The following AFAP1 variants were observed in gnomAD, a reference collection of about 807,000 sequenced individuals.
AFAP1 encodes the protein actin filament associated protein 1, also known as actin filament-associated protein 1.
In AFAP1, 75 loss-of-function variants were observed where a neutral mutation model predicts 93.9. That is an observed-to-expected ratio of 0.80 (90% CI 0.66 to 0.97). The LOEUF (loss-of-function observed/expected upper bound fraction) is 0.97. Ranked by LOEUF, AFAP1 falls within the 50% of genes least tolerant of loss-of-function variation. AFAP1 has a pLI of 0.00. For missense variants in AFAP1, 1,201 were observed against 1,050.8 expected, an observed-to-expected ratio of 1.14 and a Z score of -1.98; for synonymous variants, 517 against 430.7, an observed-to-expected ratio of 1.20 and a Z score of -2.48.
chr4:7,911,477 G>A (rs1333669601), intron 1 of AFAP1, among the ~76,000 whole-genome samples: 2 of 152,214 alleles, frequency 1.3e-5, no homozygotes, highest in Admixed American at 6.5e-5. Flanking sequence ...TTCCAGAGCC[G>A]CTATTCACAC....
intron 6 of AFAP1, among the ~76,000 whole-genome samples, chr4:7,829,211 T>A (rs952085363): frequency 6.6e-6 from 1 of 152,226 alleles, no homozygotes; most frequent in Admixed American, 6.5e-5. Context: ...AGGTATTTCT[T>A]CATAGCGGCA....
At position 7,793,731 on chromosome 4, in the gene AFAP1, A is replaced by T; in HGVS notation, c.1362T>A (p.Ile454=). The T allele has an allele frequency of 1.3e-6, 2 of 1,579,370 alleles. No homozygotes were observed. The highest frequency in any genetic ancestry group is 2.3e-5 in the East Asian group (1 of 44,182). ...TGACACTTGCAGACATCTCCACATC[A>T]ATGTAGTCATAGTGCAGAGCCTCCG... ...TDPEALHYDY[I]DVEMSASVIQ... The change falls in exon 11 of 18, where the codon ATT becomes ATA. Residue 454 remains isoleucine (I), a synonymous_variant. Transcript: ENST00000420658.
intron 3 of AFAP1, among the ~76,000 whole-genome samples, chr4:7,866,128 C>G (rs1716371244): frequency 6.6e-6 from 1 of 152,120 alleles, no homozygotes. Context: ...AACTCCTGAC[C>G]TCAGGTGATC....
At chr4:7,930,814 A>G (rs144007973) in intron 1 of AFAP1, among the ~76,000 whole-genome samples, 3,763 of 152,208 alleles carry the variant, frequency 0.025, 147 homozygotes, top group African/African-American at 0.084. Flanking sequence ...GCAGTGGTGC[A>G]ATCTCAGCTC....
chr4:7,927,607 T>C (rs1720839775), intron 1 of AFAP1, among the ~76,000 whole-genome samples: 1 of 152,198 alleles, frequency 6.6e-6, no homozygotes, highest in Non-Finnish European at 1.5e-5. Flanking sequence ...GGAGGATCAC[T>C]TGAGCCCAGG....
intron 7 of AFAP1, 127 bp from the exon 8 acceptor site, chr4:7,816,226 G>A: frequency 1.3e-6 from 1 of 752,216 alleles, no homozygotes; most frequent in Non-Finnish European, 2.2e-6. Flanking sequence ...CAATCCAGAA[G>A]TGGTTAGAGC....
At chr4:7,870,444 G>A (rs1716921309) in intron 2 of AFAP1, among the ~76,000 whole-genome samples, 1 of 152,146 alleles carries the variant, frequency 6.6e-6, no homozygotes. Flanking sequence ...CAGACTGCTT[G>A]AGCCTAGGAG....
intron 1 of AFAP1, among the ~76,000 whole-genome samples, chr4:7,890,192 T>C (rs918552444): frequency 5.9e-5 from 9 of 152,156 alleles, no homozygotes; most frequent in African/African-American, 2.2e-4. Context: ...GGTGTTAGGA[T>C]AGATTGGTGA....
intron 1 of AFAP1, among the ~76,000 whole-genome samples, chr4:7,921,741 A>T (rs1720452096): frequency 6.6e-6 from 1 of 152,250 alleles, no homozygotes; most frequent in Non-Finnish European, 1.5e-5. Flanking sequence ...GCATTGATTA[A>T]TCCAAACGGT....
At chr4:7,868,986 A>G (rs2149176876) in intron 2 of AFAP1, among the ~76,000 whole-genome samples, 1 of 151,818 alleles carries the variant, frequency 6.6e-6, no homozygotes, top group African/African-American at 2.4e-5. Flanking sequence ...AAAAGAAAAA[A>G]GAAAAGAAAA....
chr4:7,834,092 TACAC>T (rs142790415), intron 6 of AFAP1, among the ~76,000 whole-genome samples: 4,711 of 126,650 alleles, frequency 0.037, 145 homozygotes, highest in Admixed American at 0.079. Flanking sequence ...AACTGTGGCA[TACAC>T]ACACACACAC....
chr4:7,821,699 C>CTGGT (rs1001100311), intron 6 of AFAP1, among the ~76,000 whole-genome samples: 1 of 152,186 alleles, frequency 6.6e-6, no homozygotes, highest in African/African-American at 2.4e-5. Flanking sequence ...AAAAAAGAAA[C>CTGGT]ACCAAAGTCC....
At chr4:7,869,296 C>A (rs1474058953) in intron 2 of AFAP1, among the ~76,000 whole-genome samples, 1 of 152,166 alleles carries the variant, frequency 6.6e-6, no homozygotes, top group Non-Finnish European at 1.5e-5. Flanking sequence ...GAAATGGCGG[C>A]ACTAGTGCCA....
intron 9 of AFAP1, among the ~76,000 whole-genome samples, chr4:7,808,941 C>T (rs965899060): frequency 6.6e-6 from 1 of 152,184 alleles, no homozygotes; most frequent in African/African-American, 2.4e-5. Context: ...ACTTGTATAG[C>T]CTGCAGAACC....
At chr4:7,869,526 C>CA (rs1442815713) in intron 2 of AFAP1, among the ~76,000 whole-genome samples, 2 of 152,128 alleles carry the variant, frequency 1.3e-5, no homozygotes, top group Non-Finnish European at 2.9e-5. Flanking sequence ...CTTGGGCACT[C>CA]AGATTTAAGT....
rs772272510 is a variant in AFAP1, at chr4:7,868,631, C to T, written c.216G>A (p.Gln72=). ...TGGGACCTTGACTCACCAGCCAGGG[C>T]TGAGGGATCTCCGGCAGGGGCATCT... is the stretch of plus-strand genomic sequence containing the variant. ...PPQMPLPEIP[Q]PWLPPDSGPP... is the part of the protein sequence containing the mutation. Residue 72 remains glutamine, a synonymous_variant, in exon 3 of 18, where the codon CAG becomes CAA. Transcript: ENST00000420658. 2 of 1,611,764 alleles carry T rather than the reference C, an allele frequency of 1.2e-6. No individual in the cohort carries two copies. The highest frequency in any genetic ancestry group is 2.7e-5 in the African/African-American group (2 of 74,878).
chr4:7,850,946 G>A (rs1714365872), intron 4 of AFAP1, among the ~76,000 whole-genome samples: 1 of 152,168 alleles, frequency 6.6e-6, no homozygotes, highest in Admixed American at 6.5e-5. Flanking sequence ...TCAGGCCACA[G>A]CCAACCACTG....
intron 9 of AFAP1, among the ~76,000 whole-genome samples, chr4:7,805,214 G>A (rs192162682): frequency 5.3e-5 from 8 of 152,112 alleles, no homozygotes; most frequent in Non-Finnish European, 1.0e-4. Flanking sequence ...TCTACTTTTC[G>A]TGGAGGTGGA....
chr4:7,800,610 C>T lies in AFAP1; in HGVS notation c.1098G>A (p.Trp366Ter). ...TGAGCTTGTTATCTTTCACTCGGCACCAGCGCTCTCGCCAGCGGCTGTTGG... is the reference window on the plus strand; with the variant it reads ...TGAGCTTGTTATCTTTCACTCGGCATCAGCGCTCTCGCCAGCGGCTGTTGG... ...VLSNSRWRERWCRVKDNKLIF... is the reference protein window; with the variant it reads ...VLSNSRWRER The change falls in exon 10 of 18, where the codon TGG (tryptophan) becomes TGA (stop). Residue 366 changes from tryptophan (W) to a stop codon, truncating the protein, a stop_gained. Transcript: ENST00000420658. LOFTEE classifies it high-confidence loss of function. 6.2e-7 allele frequency: 1 copy of T among 1,614,198 alleles called. No homozygotes were observed. The highest frequency in any genetic ancestry group is 8.5e-7 in the Non-Finnish European group (1 of 1,180,026).
Sources: allele counts gnomAD v4.1 joint callset (sites outside exome capture counted in the v4.1 genomes callset), GRCh38; gene constraint gnomAD v4.1.1; transcripts MANE v1.5; gene names NCBI Gene and HGNC (gene_info 2026-07-23, HGNC 2026-07-21).